USP47: variants seen among roughly 807,000 people sequenced by gnomAD.
The protein encoded by USP47 is ubiquitin carboxyl-terminal hydrolase 47.
In USP47, 35 loss-of-function variants were observed where a neutral mutation model predicts 165.1. The observed-to-expected ratio is 0.21, with a 90% CI of 0.16 to 0.28. The LOEUF is 0.28. Among genes scored for constraint, USP47 ranks in the 10% least tolerant of loss-of-function variants. The pLI, the probability that USP47 is intolerant of heterozygous loss-of-function variation, is 1.00. For synonymous variants in USP47, 531 were observed against 544.5 expected, an observed-to-expected ratio of 0.98 and a Z score of 0.35; for missense variants, 1,277 against 1,607.4, an observed-to-expected ratio of 0.79 and a Z score of 3.52.
rs781606804 is a variant in USP47, at chr11:11,943,131, A to G, written c.3091+19A>G. On this transcript the variant is annotated intron_variant, in intron 20 of 27. Coordinates refer to ENST00000527733, the MANE Select transcript of USP47 (RefSeq NM_001282659.2). ...CATAAATGTATGTACTTCAAAAGAA[A>G]AACGGTCCTTGAAACAGCATCAGTT... 2 of 1,575,558 alleles carry G rather than the reference A, an allele frequency of 1.3e-6. No individual in the cohort carries two copies. Among genetic ancestry groups the G allele is most frequent in the Non-Finnish European group, 1.7e-6 (2 of 1,163,370 alleles).
chr11:11,954,401 C>G (rs12226184), intron 25 of USP47, among the ~76,000 whole-genome samples: 32,729 of 152,056 alleles, frequency 0.22, 4,276 homozygotes, highest in Non-Finnish European at 0.29. Context: ...TCCCGAGTAG[C>G]TGGGACTACA....
chr11:11,870,933 G>A (rs973303961), intron 1 of USP47, among the ~76,000 whole-genome samples: 3 of 151,666 alleles, frequency 2.0e-5, no homozygotes, highest in Non-Finnish European at 4.4e-5. Context: ...CTGCTTCTTT[G>A]CATGTTTGTT....
chr11:11,941,598 G>A (rs1412454853), intron 19 of USP47, among the ~76,000 whole-genome samples: 2 of 151,850 alleles, frequency 1.3e-5, no homozygotes, highest in Non-Finnish European at 2.9e-5. Context: ...TGATCATCTC[G>A]TTTCATCTAT....
chr11:11,906,593 C>A (rs958005366), intron 8 of USP47, among the ~76,000 whole-genome samples: 2 of 152,008 alleles, frequency 1.3e-5, no homozygotes, highest in African/African-American at 4.8e-5. Context: ...AAGTAAAAGA[C>A]CTTTTCTGGG....
rs143257862 is a variant in USP47 at position 11,915,782 on chromosome 11, A to G, written c.970-4374A>G. Among the ~76,000 whole-genome samples the G allele has an allele frequency of 7.5e-3, 1,136 of 152,316 alleles. 18 individuals carry two copies. Among genetic ancestry groups the G allele is most frequent in the African/African-American group, 0.026 (1,091 of 41,566 alleles). On this transcript the variant is annotated intron_variant, in intron 8 of 27. Transcript: ENST00000527733. ...GGGAAAGACAGTTGAATATATTTTT[A>G]AGGAAAACATCATGTTCCTGTATAT...
chr11:11,893,076 G>A (rs1297973402), intron 4 of USP47, among the ~76,000 whole-genome samples: 4 of 151,782 alleles, frequency 2.6e-5, no homozygotes, highest in African/African-American at 4.8e-5. Context: ...TTCTCAATAC[G>A]ATTAAGCCTA....
Position 11,855,835 on chromosome 11 carries a change from T to C in USP47, c.39+13611T>C, listed in dbSNP as rs180884790. 5.3e-5 allele frequency among the ~76,000 whole-genome samples: 8 copies of C among 152,352 alleles called. No individual in the cohort carries two copies. The East Asian group carries it at 1.5e-3, about 29-fold the overall frequency. On this transcript the variant is annotated intron_variant, in intron 1 of 27. Coordinates refer to ENST00000527733, the MANE Select transcript of USP47 (RefSeq NM_001282659.2). The stretch of plus-strand genomic sequence containing the variant: ...TGAGTTAGTAGCTGCCAAGAACTAC[T>C]ACAGAGAGATTCAAAGATGAATAAG...
chr11:11,955,221 A>G (rs1458258356), intron 27 of USP47, 57 bp downstream of exon 27: 2 of 1,566,986 alleles, frequency 1.3e-6, no homozygotes, highest in African/African-American at 1.4e-5. Flanking sequence ...GTGCATACAT[A>G]TCTTATTTTC....
At chr11:11,869,213 C>T (rs1284737290) in intron 1 of USP47, among the ~76,000 whole-genome samples, 1 of 151,960 alleles carries the variant, frequency 6.6e-6, no homozygotes, top group Admixed American at 6.6e-5. Context: ...AACATTTTCT[C>T]CTATGTGTTT....
In USP47 at chr11:11,875,077, G is replaced by GTGTGTT. The variant is rs1564859595; in HGVS notation, c.40-5098_40-5093dup. Among the ~76,000 whole-genome samples the GTGTGTT allele has an allele frequency of 4.0e-5, 3 of 74,938 alleles. 1 individual carries two copies. Among genetic ancestry groups the GTGTGTT allele is most frequent in the East Asian group, 7.0e-4 (1 of 1,434 alleles). 49.2% of individuals were successfully genotyped at this position (74,938 alleles called of 152,430 possible). A position where few individuals can be genotyped will look rare whatever the true frequency, so the allele number is the denominator to read the frequency against. ...TGTGTGTGTGTGTGTGTGTGTGTGT[G>GTGTGTT]TGTGTTTAAAAGCTTGTAACCATAA... On this transcript the variant is annotated intron_variant, in intron 1 of 27. Coordinates refer to ENST00000527733, the MANE Select transcript of USP47 (RefSeq NM_001282659.2).
chr11:11,951,477 G>A (rs1293224168), intron 24 of USP47: 1 of 152,146 alleles, frequency 6.6e-6, no homozygotes, highest in Non-Finnish European at 1.5e-5. Context: ...CACATTTAAA[G>A]TATTGGTGTT....
chr11:11,879,710 T>A (rs952818312), intron 1 of USP47, among the ~76,000 whole-genome samples: 2 of 152,124 alleles, frequency 1.3e-5, no homozygotes, highest in Non-Finnish European at 2.9e-5. Flanking sequence ...CCCTTAGTTA[T>A]AGATTTTTTA....
chr11:11,948,397 T>G, intron 21 of USP47, 81 bp from the exon 22 acceptor site: 2 of 1,254,356 alleles, frequency 1.6e-6, no homozygotes, highest in Non-Finnish European at 2.3e-6. Flanking sequence ...TAGAGTATTT[T>G]GGAAAGTTTA....
chr11:11,842,370 G>A, intron 1 of USP47, 146 bp downstream of exon 1: 3 of 925,010 alleles, frequency 3.2e-6, no homozygotes, highest in Non-Finnish European at 4.7e-6. Flanking sequence ...GGGGGTGGAC[G>A]GTGGGTGCGG....
Position 11,950,589 on chromosome 11 carries a change from T to C in USP47, c.3583+107T>C. The C allele has an allele frequency of 3.9e-6, 3 of 769,124 alleles. No homozygotes were observed. In the South Asian group the frequency reaches 5.2e-5, roughly 13 times the overall value. The allele number at this position is 769,124 out of a possible 1,614,324, so 47.6% of individuals were successfully genotyped here. A position where few individuals can be genotyped will look rare whatever the true frequency, so the allele number is the denominator to read the frequency against. On this transcript the variant is annotated intron_variant, in intron 24 of 27. Coordinates refer to ENST00000527733, the MANE Select transcript of USP47 (RefSeq NM_001282659.2). ...TGAGTTACGAGGAATCTAATATACA[T>C]TATAGTGTTTTGTGTTATATTAAGC...
intron 1 of USP47, among the ~76,000 whole-genome samples, chr11:11,873,602 A>G (rs2134260005): frequency 1.3e-5 from 2 of 152,184 alleles, no homozygotes; most frequent in East Asian, 3.9e-4. Flanking sequence ...TATTTATCTT[A>G]TTCTTTATCA....
intron 1 of USP47, among the ~76,000 whole-genome samples, chr11:11,876,878 T>C (rs1423267262): frequency 1.3e-5 from 2 of 152,192 alleles, no homozygotes; most frequent in African/African-American, 4.8e-5. Flanking sequence ...TCTCTTGGTC[T>C]TAGATGGTCA....
rs1333544017 is a variant in USP47 at position 11,940,554 on chromosome 11, T to A, written c.2313+6T>A. The A allele has an allele frequency of 6.2e-7, 1 of 1,610,218 alleles. No individual in the cohort carries two copies. Among genetic ancestry groups the A allele is most frequent in the Non-Finnish European group, 8.5e-7 (1 of 1,177,712 alleles). ...GATTTTTTAGAAGTAACAAGGTATG[T>A]CATTTACTTTTTCATTACTATTTTC... is the stretch of plus-strand genomic sequence containing the variant. On this transcript the variant is annotated splice_donor_region_variant and intron_variant, in intron 19 of 27. Coordinates refer to ENST00000527733, the MANE Select transcript of USP47 (RefSeq NM_001282659.2).
intron 7 of USP47, among the ~76,000 whole-genome samples, chr11:11,904,818 A>C (rs915851729): frequency 2.0e-5 from 3 of 152,132 alleles, no homozygotes; most frequent in Non-Finnish European, 4.4e-5. Flanking sequence ...ATACATTTTA[A>C]AAAGATTATG....
Sources: allele counts gnomAD v4.1 joint callset (sites outside exome capture counted in the v4.1 genomes callset), GRCh38; gene constraint gnomAD v4.1.1; transcripts MANE v1.5; gene names NCBI Gene and HGNC (gene_info 2026-07-23, HGNC 2026-07-21).